The following PHF24 variants were observed in gnomAD, a reference collection of about 807,000 sequenced individuals.
PHF24 encodes the protein PHD finger protein 24.
A neutral mutation model predicts 42.6 loss-of-function variants in PHF24; 25 were observed. The observed-to-expected ratio is 0.59, with a 90% confidence interval of 0.43 to 0.82. The LOEUF (loss-of-function observed/expected upper bound fraction) is 0.82. Ranked by LOEUF, PHF24 falls within the 40% of genes least tolerant of loss-of-function variation. The pLI, the probability that PHF24 is intolerant of heterozygous loss-of-function variation, is 0.00. For missense variants in PHF24, 470 were observed against 538.1 expected (o/e 0.87, Z 1.25); for synonymous variants, 185 against 204.8 (o/e 0.90, Z 0.83).
chr9:34,880,945 A>G, the PHF24 span, among the ~76,000 whole-genome samples: 1 of 152,350 alleles, frequency 6.6e-6, no homozygotes, highest in East Asian at 1.9e-4. Context: ...AAAGTTGACC[A>G]CATAGTTGGA....
At chr9:34,974,544 C>T (rs1244226549) in intron 3 of PHF24, among the ~76,000 whole-genome samples, 1 of 152,162 alleles carries the variant, frequency 6.6e-6, no homozygotes, top group Non-Finnish European at 1.5e-5. Flanking sequence ...TTCTTCTCTA[C>T]TGATGCTCTT....
chr9:34,977,539 C>G lies in PHF24; in HGVS notation c.1011-7C>G. 6.2e-7 allele frequency: 1 copy of G among 1,604,114 alleles called. No individual in the cohort carries two copies. On this transcript the variant is annotated splice_region_variant and splice_polypyrimidine_tract_variant and intron_variant, in intron 6 of 7. Transcript: ENST00000242315. ...CACTCCTAACCACGTGTCCTCATGC[C>G]CAGCAGCATCAGCCATGTGGGTCCC...
At chr9:34,674,810 C>T in the PHF24 span, among the ~76,000 whole-genome samples, 3 of 152,218 alleles carry the variant, frequency 2.0e-5, no homozygotes, top group East Asian at 3.9e-4. Context: ...GGTAGAGACA[C>T]GTAGGTGGGT....
chr9:34,906,842 T>C, the PHF24 span, among the ~76,000 whole-genome samples: 2 of 152,064 alleles, frequency 1.3e-5, no homozygotes, highest in African/African-American at 4.8e-5. Context: ...CCAGGAAAGA[T>C]CAACCACTGG....
upstream of PHF24, chr9:34,958,228 GCCGCCGC>G: frequency 1.2e-5 from 1 of 85,526 alleles, no homozygotes; most frequent in Non-Finnish European, 2.9e-5. This position sits in a 1 kb window ranked among gnomAD's most constrained non-coding sequence, Gnocchi z 4.5. Context: ...GGCCGCGCGC[GCCGCCGC>G]CGCCGCCGCC....
chr9:34,946,018 G>A, the PHF24 span, among the ~76,000 whole-genome samples: 13 of 152,210 alleles, frequency 8.5e-5, no homozygotes, highest in Non-Finnish European at 4.4e-5. Flanking sequence ...TCGATGGAAA[G>A]TGTGGCCTTT....
chr9:34,709,559 C>G, the PHF24 span: 5 of 1,614,212 alleles, frequency 3.1e-6, no homozygotes, highest in Admixed American at 8.3e-5. Flanking sequence ...CCCTGTCCTT[C>G]CTGCAGCCCT....
At chr9:34,973,207 C>T (rs1827068394) in intron 3 of PHF24, among the ~76,000 whole-genome samples, 2 of 152,122 alleles carry the variant, frequency 1.3e-5, no homozygotes, top group Non-Finnish European at 2.9e-5. Flanking sequence ...CTCTAATAGT[C>T]TATAGTTGTC....
At chr9:34,845,590 A>G in the PHF24 span, among the ~76,000 whole-genome samples, 1 of 151,568 alleles carries the variant, frequency 6.6e-6, no homozygotes, top group Non-Finnish European at 1.5e-5. Flanking sequence ...CTTTTTTTTA[A>G]ATTTTATTTT....
the PHF24 span, among the ~76,000 whole-genome samples, chr9:34,885,578 C>T: frequency 6.6e-6 from 1 of 152,228 alleles, no homozygotes; most frequent in South Asian, 2.1e-4. Context: ...AGCAGAGGTC[C>T]CTCCCATCTG....
chr9:34,820,793 T>A, the PHF24 span, among the ~76,000 whole-genome samples: 1 of 152,216 alleles, frequency 6.6e-6, no homozygotes, highest in South Asian at 2.1e-4. Flanking sequence ...TGTTTTAAGT[T>A]CTATGAGAAA....
At chr9:34,898,705 C>G in the PHF24 span, among the ~76,000 whole-genome samples, 1 of 152,306 alleles carries the variant, frequency 6.6e-6, no homozygotes, top group Non-Finnish European at 1.5e-5. Flanking sequence ...TTTTATTACT[C>G]CTACTTAACC....
intron 3 of PHF24, among the ~76,000 whole-genome samples, chr9:34,975,313 AG>A (rs1827147755): frequency 1.3e-5 from 2 of 152,230 alleles, no homozygotes; most frequent in South Asian, 4.1e-4. Context: ...CTAGGTGCTC[AG>A]TAGGTGTTTA....
the PHF24 span, among the ~76,000 whole-genome samples, chr9:34,942,848 A>G: frequency 1.8e-3 from 265 of 151,310 alleles, 1 homozygote; most frequent in Non-Finnish European, 3.2e-3. Context: ...GGAGCCTGTC[A>G]TGGGATGGGG....
chr9:34,773,524 A>G, the PHF24 span, among the ~76,000 whole-genome samples: 1 of 152,258 alleles, frequency 6.6e-6, no homozygotes, highest in Non-Finnish European at 1.5e-5. Flanking sequence ...AACAAAATAA[A>G]CAAAGCAATG....
the PHF24 span, among the ~76,000 whole-genome samples, chr9:34,764,041 A>C: frequency 2.6e-5 from 4 of 151,962 alleles, no homozygotes; most frequent in Non-Finnish European, 5.9e-5. Context: ...CATCCCAGGG[A>C]TGAAGCCCAC....
At chr9:34,924,246 T>C in the PHF24 span, among the ~76,000 whole-genome samples, 1 of 152,226 alleles carries the variant, frequency 6.6e-6, no homozygotes, top group Non-Finnish European at 1.5e-5. Context: ...GAATGTTCCA[T>C]GTGCTGAGGA....
the PHF24 span, among the ~76,000 whole-genome samples, chr9:34,795,608 C>T: frequency 3.3e-5 from 5 of 152,088 alleles, no homozygotes; most frequent in African/African-American, 1.2e-4. Context: ...AAAAGCAAAA[C>T]CTATGACAAA....
chr9:34,923,912 T>G, the PHF24 span, among the ~76,000 whole-genome samples: 1 of 152,070 alleles, frequency 6.6e-6, no homozygotes, highest in African/African-American at 2.4e-5. Flanking sequence ...ATTTGAAGTT[T>G]TTTTTACTTT....
Sources: allele counts gnomAD v4.1 joint callset (sites outside exome capture counted in the v4.1 genomes callset), GRCh38; gene constraint gnomAD v4.1.1; non-coding constraint Gnocchi (gnomAD v3.1); transcripts MANE v1.5; gene names NCBI Gene and HGNC (gene_info 2026-07-23, HGNC 2026-07-21).